MYO10: variants seen among roughly 807,000 people sequenced by gnomAD.
MYO10 encodes unconventional myosin-X.
In MYO10, 133 loss-of-function variants were observed where a neutral mutation model predicts 257.3. The ratio of observed to expected loss-of-function variants is 0.52; its 90% CI spans 0.45 to 0.60. MYO10 has a LOEUF of 0.60. Ranked by LOEUF, MYO10 falls within the 20% of genes least tolerant of loss-of-function variation. The pLI is 0.00. For missense variants in MYO10, 2,399 were observed against 2,635.7 expected, an observed-to-expected ratio of 0.91 and a Z score of 1.97; for synonymous variants, 1,104 against 1,028.6, an observed-to-expected ratio of 1.07 and a Z score of -1.40.
intron 19 of MYO10, among the ~76,000 whole-genome samples, chr5:16,747,223 C>T (rs995483209): frequency 6.6e-6 from 1 of 152,140 alleles, no homozygotes; most frequent in Admixed American, 6.6e-5. Flanking sequence ...AAGATTGATA[C>T]ACATTAAAGA....
chr5:16,814,758 T>C (rs570641563), intron 3 of MYO10: 1 of 152,024 alleles, frequency 6.6e-6, no homozygotes, highest in Non-Finnish European at 1.5e-5. Context: ...AAACGGAAGG[T>C]CTACAATGGC....
intron 2 of MYO10, chr5:16,854,021 C>T (rs1397310524): frequency 1.3e-5 from 2 of 152,042 alleles, no homozygotes; most frequent in African/African-American, 2.4e-5. Flanking sequence ...CCTGAAGGTT[C>T]GTGATCTCGT....
intron 36 of MYO10, among the ~76,000 whole-genome samples, chr5:16,673,224 T>TG (rs1431718866): frequency 2.5e-5 from 3 of 120,820 alleles, no homozygotes; most frequent in Non-Finnish European, 5.2e-5. Context: ...CCTTGGGGGG[T>TG]GGGGGTCGGG....
At chr5:16,807,677 A>C (rs1872004) in intron 3 of MYO10, among the ~76,000 whole-genome samples, 36,111 of 151,842 alleles carry the variant, frequency 0.24, 5,245 homozygotes, top group East Asian at 0.4. Flanking sequence ...ATGCATCACA[A>C]TATTTCCGTC....
chr5:16,815,308 A>G, intron 3 of MYO10: 1 of 605,984 alleles, frequency 1.7e-6, no homozygotes, highest in East Asian at 2.8e-5. Flanking sequence ...TTTGCATACT[A>G]TGTACTGGTT....
intron 2 of MYO10, among the ~76,000 whole-genome samples, chr5:16,822,832 C>T (rs1211901209): frequency 1.3e-5 from 2 of 151,974 alleles, no homozygotes; most frequent in South Asian, 2.1e-4. Flanking sequence ...GGACTACAGG[C>T]GCCCGCAACC....
chr5:16,693,088 G>A (rs1737577963), intron 27 of MYO10, among the ~76,000 whole-genome samples: 1 of 152,024 alleles, frequency 6.6e-6, no homozygotes, highest in African/African-American at 2.4e-5. Context: ...GCAACATGGC[G>A]AAACCCCGTC....
In MYO10 at chr5:16,761,150, T is replaced by C. The variant is rs539551202; in HGVS notation, c.1739+314A>G. On this transcript the variant is annotated intron_variant, in intron 17 of 40. Coordinates refer to ENST00000513610, the MANE Select transcript of MYO10 (RefSeq NM_012334.3). ...GGATTACAGGTGCCTGCCACCATGCTTGGCTAATTTTTGTATTTTCAGTAG... is the reference window on the plus strand; with the variant it reads ...GGATTACAGGTGCCTGCCACCATGCCTGGCTAATTTTTGTATTTTCAGTAG... 8.5e-5 allele frequency among the ~76,000 whole-genome samples: 13 copies of C among 152,050 alleles called. No homozygotes were observed. In the East Asian group the frequency reaches 1.7e-3, roughly 20 times the overall value.
chr5:16,879,592 C>A (rs1389228058), intron 1 of MYO10, among the ~76,000 whole-genome samples: 5 of 152,158 alleles, frequency 3.3e-5, no homozygotes. Context: ...TTGCCCAGTG[C>A]CACACAGCTA....
At chr5:16,792,165 G>GACAGA (rs1741785195) in intron 4 of MYO10, among the ~76,000 whole-genome samples, 1 of 123,842 alleles carries the variant, frequency 8.1e-6, no homozygotes, top group African/African-American at 3.2e-5. Context: ...AGAGAGAGAG[G>GACAGA]GAGAGACAGA....
rs542664078 is a variant in MYO10, at chr5:16,928,152, C to T, written c.21+7636G>A. ...GAGTCCCACATTTTCTTTTAATAAA[C>T]ACTTCTCAAATCATCTTGTTTTCTA... On this transcript the variant is annotated intron_variant, in intron 1 of 40. Coordinates refer to ENST00000513610, the MANE Select transcript of MYO10 (RefSeq NM_012334.3). Among the ~76,000 whole-genome samples the T allele has an allele frequency of 2.6e-5, 4 of 152,302 alleles. No homozygotes were observed. In the East Asian group the frequency reaches 7.7e-4, roughly 29 times the overall value.
chr5:16,916,175 G>A, intron 1 of MYO10: 1 of 455,686 alleles, frequency 2.2e-6, no homozygotes, highest in Non-Finnish European at 4.4e-6. Context: ...AGAGACCTTC[G>A]TTCCGCCACG....
At chr5:16,733,231 T>C (rs1739657002) in intron 19 of MYO10, among the ~76,000 whole-genome samples, 1 of 152,030 alleles carries the variant, frequency 6.6e-6, no homozygotes, top group South Asian at 2.1e-4. Flanking sequence ...TGCCAAATAT[T>C]AAAAAGACCA....
intron 2 of MYO10, among the ~76,000 whole-genome samples, chr5:16,832,277 C>G (rs939644740): frequency 3.9e-5 from 6 of 152,138 alleles, no homozygotes; most frequent in African/African-American, 1.4e-4. Flanking sequence ...TGACTCTTTC[C>G]CTGTTTTCTA....
intron 3 of MYO10, among the ~76,000 whole-genome samples, chr5:16,798,142 G>A (rs75623661): frequency 0.026 from 3,963 of 152,188 alleles, 157 homozygotes; most frequent in East Asian, 0.19. Context: ...AGATGCCAGC[G>A]CCATGCTCTT....
chr5:16,898,762 A>G (rs1002240918), intron 1 of MYO10, among the ~76,000 whole-genome samples: 4 of 151,982 alleles, frequency 2.6e-5, no homozygotes, highest in African/African-American at 7.2e-5. Flanking sequence ...TCAACTTGGA[A>G]CAGCCATATT....
chr5:16,740,748 G>A (rs1456481602), intron 19 of MYO10, among the ~76,000 whole-genome samples: 3 of 152,096 alleles, frequency 2.0e-5, no homozygotes, highest in African/African-American at 4.8e-5. Flanking sequence ...AAACAGAAGC[G>A]AGGTATGAGA....
Position 16,935,783 on chromosome 5 carries a change from C to G in MYO10, c.21+5G>C, listed in dbSNP as rs773174963. 9 of 1,613,496 alleles carry G rather than the reference C, an allele frequency of 5.6e-6. No individual in the cohort carries two copies. Among genetic ancestry groups the G allele is most frequent in the Non-Finnish European group, 7.6e-6 (9 of 1,179,744 alleles). The stretch of plus-strand genomic sequence containing the variant: ...GAGGCCAGGTCGGACTGGGAGCGCA[C>G]TTACCTCGGTGAAGAAGTTATCCAT... On this transcript the variant is annotated splice_donor_5th_base_variant and intron_variant, in intron 1 of 40. Transcript: ENST00000513610.
chr5:16,708,225 TC>T (rs1738432515), intron 21 of MYO10, among the ~76,000 whole-genome samples: 1 of 152,234 alleles, frequency 6.6e-6, no homozygotes, highest in South Asian at 2.1e-4. Context: ...CTTGAATACT[TC>T]CTTGATCATT....
Sources: gnomAD v4.1 joint callset for allele counts (sites outside exome capture counted in the v4.1 genomes callset) on GRCh38, gnomAD v4.1.1 for gene constraint, MANE v1.5 for transcripts, NCBI Gene and HGNC (gene_info 2026-07-23, HGNC 2026-07-21) for gene names.